The following STPG2 variants were observed in gnomAD, a reference collection of about 807,000 sequenced individuals.
STPG2 encodes the protein sperm tail PG-rich repeat containing 2, also known as sperm-tail PG-rich repeat-containing protein 2.
Under a neutral mutation model 54.2 loss-of-function variants are expected in STPG2, and 56 were observed. That is an observed-to-expected ratio of 1.03 (90% CI 0.83 to 1.29). The LOEUF (loss-of-function observed/expected upper bound fraction) is 1.29. Among genes scored for constraint, STPG2 ranks in the 50% most tolerant of loss-of-function variants. The pLI, the probability that STPG2 is intolerant of heterozygous loss-of-function variation, is 0.00. For missense variants in STPG2, 596 were observed against 544.9 expected, an observed-to-expected ratio of 1.09 and a Z score of -0.93; for synonymous variants, 200 against 181.8, an observed-to-expected ratio of 1.10 and a Z score of -0.81.
At chr4:97,820,893 C>T (rs1215347516) in intron 9 of STPG2, among the ~76,000 whole-genome samples, 2 of 152,140 alleles carry the variant, frequency 1.3e-5, no homozygotes, top group African/African-American at 2.4e-5. Context: ...CAAACACTTC[C>T]CACCAGGCCC....
At chr4:97,637,470 A>G (rs1298367651) in intron 10 of STPG2, among the ~76,000 whole-genome samples, 1 of 152,188 alleles carries the variant, frequency 6.6e-6, no homozygotes, top group Non-Finnish European at 1.5e-5. Flanking sequence ...CCTATTCAAC[A>G]TAGTGTTGGA....
chr4:97,993,210 GC>G (rs1285566717), intron 5 of STPG2, among the ~76,000 whole-genome samples: 1 of 152,206 alleles, frequency 6.6e-6, no homozygotes, highest in African/African-American at 2.4e-5. Flanking sequence ...CTATAATGTT[GC>G]CTGTGGGTTT....
At chr4:97,566,921 T>C (rs1357727289) in intron 10 of STPG2, among the ~76,000 whole-genome samples, 4 of 151,406 alleles carry the variant, frequency 2.6e-5, no homozygotes, top group African/African-American at 7.3e-5. Context: ...TTAGGAGATA[T>C]ACCTAATGCT....
chr4:97,738,582 C>T (rs1399626779), intron 9 of STPG2, among the ~76,000 whole-genome samples: 3 of 152,166 alleles, frequency 2.0e-5, no homozygotes, highest in African/African-American at 7.2e-5. Flanking sequence ...ATAAAACAGA[C>T]TTCAAACCAA....
chr4:98,103,077 C>G (rs1234569167), intron 5 of STPG2, among the ~76,000 whole-genome samples: 2 of 150,566 alleles, frequency 1.3e-5, no homozygotes, highest in South Asian at 2.1e-4. Context: ...AAATATAAAG[C>G]CTTGTTCTTG....
At chr4:97,692,453 T>G (rs1008479581) in intron 10 of STPG2, among the ~76,000 whole-genome samples, 1 of 151,976 alleles carries the variant, frequency 6.6e-6, no homozygotes, top group Non-Finnish European at 1.5e-5. Flanking sequence ...ATTCAGATAT[T>G]CAAAGACAAG....
At chr4:98,124,341 T>C (rs924586691) in intron 3 of STPG2, among the ~76,000 whole-genome samples, 2 of 152,196 alleles carry the variant, frequency 1.3e-5, no homozygotes, top group African/African-American at 4.8e-5. Context: ...TATGTAGTGC[T>C]TCCTTCAGGA....
intron 5 of STPG2, among the ~76,000 whole-genome samples, chr4:98,020,837 T>G (rs1284076439): frequency 6.6e-6 from 1 of 152,156 alleles, no homozygotes; most frequent in East Asian, 1.9e-4. Flanking sequence ...TGATGGTAGT[T>G]TGTATTTCTG....
intron 5 of STPG2, among the ~76,000 whole-genome samples, chr4:98,075,206 G>T (rs1305968305): frequency 6.6e-6 from 1 of 152,132 alleles, no homozygotes; most frequent in Non-Finnish European, 1.5e-5. Context: ...ACCAAATCTA[G>T]CCTACATTTT....
At chr4:97,482,183 AT>A (rs1417665941) in intron 4 of STPG2, among the ~76,000 whole-genome samples, 1 of 151,540 alleles carries the variant, frequency 6.6e-6, no homozygotes, top group African/African-American at 2.4e-5. Flanking sequence ...GACAAATCCC[AT>A]TTAGTCATAA....
intron 5 of STPG2, among the ~76,000 whole-genome samples, chr4:98,050,580 C>T (rs923909694): frequency 6.6e-6 from 1 of 152,150 alleles, no homozygotes; most frequent in African/African-American, 2.4e-5. Flanking sequence ...AGTTGAGGAA[C>T]ATTGAATCTG....
intron 9 of STPG2, among the ~76,000 whole-genome samples, chr4:97,734,167 T>C (rs1724896402): frequency 6.6e-6 from 1 of 152,208 alleles, no homozygotes; most frequent in Non-Finnish European, 1.5e-5. Flanking sequence ...TTTACTGTAT[T>C]AAGGAATATT....
chr4:97,645,618 G>C (rs190078584), intron 10 of STPG2, among the ~76,000 whole-genome samples: 1 of 152,194 alleles, frequency 6.6e-6, no homozygotes, highest in Non-Finnish European at 1.5e-5. Context: ...ATCATGGGGG[G>C]TTGGCAACCC....
chr4:97,870,308 T>C (rs879731298), intron 8 of STPG2, among the ~76,000 whole-genome samples: 7 of 151,544 alleles, frequency 4.6e-5, no homozygotes, highest in Non-Finnish European at 1.0e-4. Context: ...AGAAACTACA[T>C]ATATTACTCA....
At chr4:97,974,422 G>A (rs1430908237) in intron 6 of STPG2, among the ~76,000 whole-genome samples, 5 of 152,184 alleles carry the variant, frequency 3.3e-5, no homozygotes, top group Admixed American at 1.3e-4. Flanking sequence ...GGACTGTTGG[G>A]AAGGCATGAT....
At chr4:97,975,443 T>G (rs1734466926) in intron 6 of STPG2, among the ~76,000 whole-genome samples, 2 of 152,240 alleles carry the variant, frequency 1.3e-5, no homozygotes, top group East Asian at 3.8e-4. Context: ...TCTTTTATTT[T>G]TCTGTGCATA....
At position 97,538,373 on chromosome 4, in the gene STPG2, G is replaced by T. The variant is rs144270211; in HGVS notation, c.462+174326C>A. ...AACCTAATGGAGCTGAAAACCCATG[G>T]CACAACAACTACGTGACAAATGCAC... is the stretch of plus-strand genomic sequence containing the variant. On this transcript the variant is annotated intron_variant, in intron 4 of 4. Transcript: ENST00000522676. Among the ~76,000 whole-genome samples the T allele has an allele frequency of 6.3e-3, 953 of 152,282 alleles. 4 individuals are homozygous for T. Among genetic ancestry groups the T allele is most frequent in the Non-Finnish European group, 9.7e-3 (659 of 68,020 alleles).
chr4:97,898,587 T>A (rs1268265040), intron 8 of STPG2, among the ~76,000 whole-genome samples: 1 of 151,700 alleles, frequency 6.6e-6, no homozygotes, highest in Non-Finnish European at 1.5e-5. Context: ...AGAAAACACT[T>A]CACAGTACCC....
chr4:97,456,451 CCACCAAG>C (rs960583049), intron 4 of STPG2, among the ~76,000 whole-genome samples: 5 of 152,186 alleles, frequency 3.3e-5, no homozygotes, highest in Admixed American at 1.3e-4. Context: ...CAGTTACCTC[CCACCAAG>C]CACCAAGCAC....
Sources: allele counts gnomAD v4.1 joint callset (sites outside exome capture counted in the v4.1 genomes callset), GRCh38; gene constraint gnomAD v4.1.1; transcripts MANE v1.5; gene names NCBI Gene and HGNC (gene_info 2026-07-23, HGNC 2026-07-21).